Variants in CACNA2D3 observed in about 807,000 individuals in gnomAD.
The protein encoded by CACNA2D3 is voltage-dependent calcium channel subunit alpha-2/delta-3.
A neutral mutation model predicts 160.6 loss-of-function variants in CACNA2D3; 60 were observed. The observed-to-expected ratio is 0.37, with a 90% CI of 0.30 to 0.46. The LOEUF is 0.46. Ranked by LOEUF, CACNA2D3 falls within the 20% of genes least tolerant of loss-of-function variation. The pLI, the probability that CACNA2D3 is intolerant of heterozygous loss-of-function variation, is 1.00. For missense variants in CACNA2D3, 1,205 were observed against 1,365.0 expected (o/e 0.88, Z 1.85); for synonymous variants, 558 against 492.9 (o/e 1.13, Z -1.75).
chr3:54,269,364 G>A (rs4928028), intron 2 of CACNA2D3, among the ~76,000 whole-genome samples: 1,859 of 151,242 alleles, frequency 0.012, 43 homozygotes, highest in East Asian at 0.051. Context: ...TTTTGTTCTG[G>A]TGTGAGTTTC....
rs1394169314 is a variant in CACNA2D3 at position 54,677,619 on chromosome 3, T to TG, written c.1167+35378_1167+35379insG. Among the ~76,000 whole-genome samples the TG allele has an allele frequency of 2.0e-3, 261 of 131,568 alleles. 1 individual carries two copies. The highest frequency in any genetic ancestry group is 7.3e-3 in the African/African-American group (248 of 34,172). The allele number at this position is 131,568 out of a possible 152,430, so 86.3% of individuals were successfully genotyped here. On this transcript the variant is annotated intron_variant, in intron 11 of 37. Transcript: ENST00000474759. ...TATTTGAATAGTTTTTGTTTTTTTT[T>TG]TGGGGGGGGGGCAACGTACTTACTC...
At chr3:54,575,227 T>G (rs1247078070) in intron 8 of CACNA2D3, among the ~76,000 whole-genome samples, 1 of 152,218 alleles carries the variant, frequency 6.6e-6, no homozygotes, top group African/African-American at 2.4e-5. Flanking sequence ...GTAAAAATAT[T>G]TAATGGAGTC....
intron 4 of CACNA2D3, among the ~76,000 whole-genome samples, chr3:54,477,242 C>CTT (rs899108315): frequency 7.5e-5 from 11 of 145,798 alleles, no homozygotes; most frequent in African/African-American, 2.8e-4. Flanking sequence ...AAGAACTATC[C>CTT]TTTTTTTTTT....
intron 17 of CACNA2D3, among the ~76,000 whole-genome samples, chr3:54,849,113 A>G (rs887078530): frequency 2.0e-5 from 3 of 152,150 alleles, no homozygotes; most frequent in Non-Finnish European, 2.9e-5. Context: ...TACATACACC[A>G]TCAGTTTTCT....
chr3:54,855,753 T>G (rs1168696), intron 17 of CACNA2D3, among the ~76,000 whole-genome samples: 1,989 of 152,084 alleles, frequency 0.013, 41 homozygotes, highest in African/African-American at 0.045. Flanking sequence ...TCCAATAAGC[T>G]CCCCCTTCTG....
At chr3:54,785,223 A>G (rs1054821684) in intron 13 of CACNA2D3, among the ~76,000 whole-genome samples, 3 of 152,240 alleles carry the variant, frequency 2.0e-5, no homozygotes, top group Admixed American at 2.0e-4. Flanking sequence ...AATAGGTTAT[A>G]AAATGCAGTG....
intron 13 of CACNA2D3, among the ~76,000 whole-genome samples, chr3:54,802,174 C>A (rs1177080812): frequency 1.3e-5 from 2 of 152,104 alleles, no homozygotes. Context: ...AGCCATGCAA[C>A]TGGGAGAGGT....
At chr3:55,008,778 A>G (rs1169770465) in intron 33 of CACNA2D3, among the ~76,000 whole-genome samples, 1 of 152,024 alleles carries the variant, frequency 6.6e-6, no homozygotes, top group Admixed American at 6.6e-5. Flanking sequence ...CCACTGGAGG[A>G]TAATTTATAT....
intron 11 of CACNA2D3, among the ~76,000 whole-genome samples, chr3:54,733,523 T>G (rs1701434124): frequency 6.6e-6 from 1 of 152,196 alleles, no homozygotes; most frequent in African/African-American, 2.4e-5. Flanking sequence ...AGCAGCTAAT[T>G]AGAGCCTGTA....
At chr3:54,735,047 G>A (rs1483853952) in intron 11 of CACNA2D3, among the ~76,000 whole-genome samples, 2 of 152,218 alleles carry the variant, frequency 1.3e-5, no homozygotes, top group African/African-American at 2.4e-5. Flanking sequence ...AAGCACACCA[G>A]CATTTCTTCT....
chr3:54,864,670 G>A (rs1699362195), intron 17 of CACNA2D3, among the ~76,000 whole-genome samples: 1 of 152,182 alleles, frequency 6.6e-6, no homozygotes, highest in Admixed American at 6.5e-5. Context: ...ACCGGCTAGT[G>A]GGATTTGACT....
chr3:54,346,909 T>C (rs548142976), intron 3 of CACNA2D3, among the ~76,000 whole-genome samples: 34 of 152,366 alleles, frequency 2.2e-4, no homozygotes, highest in African/African-American at 8.2e-4. Flanking sequence ...GAATAAAATG[T>C]GCACAACATA....
intron 3 of CACNA2D3, among the ~76,000 whole-genome samples, chr3:54,356,726 T>C (rs1248748452): frequency 6.6e-6 from 1 of 152,226 alleles, no homozygotes; most frequent in Non-Finnish European, 1.5e-5. Context: ...GTGCAGTTTA[T>C]TGAAAATGGG....
At position 55,025,590 on chromosome 3, in the gene CACNA2D3, C is replaced by T. The variant is rs1392106864; in HGVS notation, c.2987+7273C>T. ...CGGAGGTTGCAGTGAGCCAAGATTG[C>T]GCCACTGCACTCCAGCCTGGGTGAC... On this transcript the variant is annotated intron_variant, in intron 35 of 37. Transcript: ENST00000474759. 8.5e-5 allele frequency among the ~76,000 whole-genome samples: 12 copies of T among 141,040 alleles called. 1 individual carries two copies. The South Asian group carries it at 1.4e-3, about 16-fold the overall frequency. The allele number at this position is 141,040 out of a possible 152,430, so 92.5% of individuals were successfully genotyped here.
intron 2 of CACNA2D3, among the ~76,000 whole-genome samples, chr3:54,258,419 G>A (rs1010704611): frequency 7.2e-5 from 11 of 152,178 alleles, no homozygotes; most frequent in Non-Finnish European, 1.0e-4. Flanking sequence ...AACAATAACT[G>A]TATACCCAAA....
chr3:54,385,843 T>C (rs57538371), intron 3 of CACNA2D3: 1 of 466,750 alleles, frequency 2.1e-6, no homozygotes, highest in African/African-American at 2.0e-5. Flanking sequence ...ACAGGAGAAA[T>C]AGAAGTGGTC....
At chr3:54,466,036 C>T (rs938745492) in intron 4 of CACNA2D3, among the ~76,000 whole-genome samples, 12 of 152,190 alleles carry the variant, frequency 7.9e-5, no homozygotes, top group African/African-American at 2.4e-4. Context: ...AACCACCAAC[C>T]GTGTGTTGAG....
intron 5 of CACNA2D3, among the ~76,000 whole-genome samples, chr3:54,520,278 TC>T (rs1701625143): frequency 6.6e-6 from 1 of 152,178 alleles, no homozygotes; most frequent in African/African-American, 2.4e-5. Flanking sequence ...CAGCACCATC[TC>T]CCTTCCTGAG....
intron 3 of CACNA2D3, among the ~76,000 whole-genome samples, chr3:54,340,806 C>T (rs1704502186): frequency 6.6e-6 from 1 of 152,178 alleles, no homozygotes; most frequent in Non-Finnish European, 1.5e-5. Flanking sequence ...CTTCTTGATC[C>T]CCAGTCCACA....
Sources: allele counts gnomAD v4.1 joint callset (sites outside exome capture counted in the v4.1 genomes callset), GRCh38; gene constraint gnomAD v4.1.1; transcripts MANE v1.5; gene names NCBI Gene and HGNC (gene_info 2026-07-23, HGNC 2026-07-21).